The following WDR89 variants were observed in gnomAD, a reference collection of about 807,000 sequenced individuals.
WDR89 encodes the protein WD repeat-containing protein 89.
A neutral mutation model predicts 29.1 loss-of-function variants in WDR89; 17 were observed. That is an observed-to-expected ratio of 0.58 (90% CI 0.40 to 0.88). WDR89 has a LOEUF of 0.88. Among genes scored for constraint, WDR89 ranks in the 40% least tolerant of loss-of-function variants. The pLI, the probability that WDR89 is intolerant of heterozygous loss-of-function variation, is 0.00. For missense variants in WDR89, 396 were observed against 456.3 expected, an observed-to-expected ratio of 0.87 and a Z score of 1.20; for synonymous variants, 138 against 157.8, an observed-to-expected ratio of 0.87 and a Z score of 0.94.
At position 63,624,293 on chromosome 14, in the gene WDR89, C is replaced by A. The variant is rs540877820; in HGVS notation, c.-32+635G>T. On this transcript the variant is annotated intron_variant, in intron 2 of 2. Coordinates refer to ENST00000620954, the MANE Select transcript of WDR89 (RefSeq NM_080666.4). ...ATCAGCCTGGGTGACATGGCAAAAC[C>A]CCATCTCCATCAAAAATACAAAAAT... Among the ~76,000 whole-genome samples, 6 of 151,698 alleles carry A rather than the reference C, an allele frequency of 4.0e-5. No homozygotes were observed. In the East Asian group the frequency reaches 1.2e-3, roughly 29 times the overall value.
At chr14:63,636,385 G>A (rs8009516) in intron 1 of WDR89, among the ~76,000 whole-genome samples, 12 of 151,996 alleles carry the variant, frequency 7.9e-5, no homozygotes, top group South Asian at 2.1e-4. Flanking sequence ...AAAATACCAC[G>A]ATCATTCTTC....
intron 1 of WDR89, among the ~76,000 whole-genome samples, chr14:63,635,453 A>G (rs2139577368): frequency 6.6e-6 from 1 of 152,354 alleles, no homozygotes; most frequent in South Asian, 2.1e-4. Context: ...AACTCTCAGC[A>G]AAATCAGCAT....
At chr14:63,639,341 G>A (rs548284017) in intron 1 of WDR89, among the ~76,000 whole-genome samples, 12 of 133,880 alleles carry the variant, frequency 9.0e-5, no homozygotes, top group Middle Eastern at 4.9e-3. Context: ...GCAACATAGC[G>A]AGACCTCATC....
chr14:63,616,038 T>C (rs1882283008), intron 2 of WDR89, among the ~76,000 whole-genome samples: 1 of 151,914 alleles, frequency 6.6e-6, no homozygotes, highest in African/African-American at 2.4e-5. Flanking sequence ...AGCCCAGGAG[T>C]TTGAGACCAG....
At position 63,599,805 on chromosome 14, in the gene WDR89, T is replaced by TTAG. The variant is rs1894973375; in HGVS notation, c.137_138insCTA (p.Leu46delinsPheTer). ...ATATTCTGATTGATCCATTAGAACA[T>TTAG]AAAACAGCAACCAAGTTTTCCTTTC... On this transcript the variant is annotated stop_gained and protein_altering_variant, in exon 3 of 3. Coordinates refer to ENST00000620954, the MANE Select transcript of WDR89 (RefSeq NM_080666.4). LOFTEE classifies it high-confidence loss of function. 6.2e-7 allele frequency: 1 copy of TTAG among 1,613,998 alleles called. No homozygotes were observed. Among genetic ancestry groups the TTAG allele is most frequent in the African/African-American group, 1.3e-5 (1 of 74,914 alleles).
chr14:63,623,413 A>G (rs1208114051), intron 2 of WDR89, among the ~76,000 whole-genome samples: 1 of 151,784 alleles, frequency 6.6e-6, no homozygotes, highest in Non-Finnish European at 1.5e-5. Flanking sequence ...TTTAAATCCA[A>G]CTATACCTGG....
In WDR89 at chr14:63,633,889, T is replaced by C. The variant is rs12589921; in HGVS notation, c.-138+7915A>G. On this transcript the variant is annotated intron_variant, in intron 1 of 2. Coordinates refer to ENST00000620954, the MANE Select transcript of WDR89 (RefSeq NM_080666.4). Reference sequence around the variant, plus strand: ...GAAGGATAAAAAGAACTGAAAATCATGTACGGTCAGTTGCAACTTCACTAA... The same window carrying C: ...GAAGGATAAAAAGAACTGAAAATCACGTACGGTCAGTTGCAACTTCACTAA... Among the ~76,000 whole-genome samples, 43 of 152,342 alleles carry C rather than the reference T, an allele frequency of 2.8e-4. No individual in the cohort carries two copies. The East Asian group carries it at 7.7e-3, about 27-fold the overall frequency.
intron 2 of WDR89, among the ~76,000 whole-genome samples, chr14:63,612,256 C>T (rs1414009129): frequency 6.6e-6 from 1 of 152,002 alleles, no homozygotes; most frequent in East Asian, 1.9e-4. Flanking sequence ...GCAGAGCCAA[C>T]AGAATCTCTT....
chr14:63,622,304 G>T (rs1257865318), intron 2 of WDR89, among the ~76,000 whole-genome samples: 1 of 151,920 alleles, frequency 6.6e-6, no homozygotes, highest in African/African-American at 2.4e-5. Flanking sequence ...AGGCAGCCGG[G>T]CGTGGTGGCT....
intron 1 of WDR89, chr14:63,630,769 A>G (rs1883348460): frequency 6.6e-6 from 1 of 151,442 alleles, no homozygotes; most frequent in Admixed American, 6.6e-5. Flanking sequence ...TTCATGAAGT[A>G]TTCCATATTT....
chr14:63,637,064 G>GA (rs58721506), intron 1 of WDR89, among the ~76,000 whole-genome samples: 4 of 151,324 alleles, frequency 2.6e-5, no homozygotes, highest in Non-Finnish European at 4.4e-5. Flanking sequence ...AAATCAGTAA[G>GA]AAAAAAAACA....
At chr14:63,619,140 A>G (rs1360400405) in intron 2 of WDR89, among the ~76,000 whole-genome samples, 1 of 152,186 alleles carries the variant, frequency 6.6e-6, no homozygotes, top group Admixed American at 6.6e-5. Context: ...GCATGGAGAG[A>G]AACCTCCTGT....
intron 2 of WDR89, among the ~76,000 whole-genome samples, chr14:63,606,265 CAA>C (rs763944431): frequency 4.0e-5 from 6 of 151,522 alleles, no homozygotes; most frequent in Admixed American, 3.9e-4. Context: ...CAATTTTTAA[CAA>C]AAGAGTTTTA....
At chr14:63,616,567 T>C (rs1882318070) in intron 2 of WDR89, among the ~76,000 whole-genome samples, 1 of 151,900 alleles carries the variant, frequency 6.6e-6, no homozygotes, top group African/African-American at 2.4e-5. Flanking sequence ...CAGGACAAAA[T>C]GAGGGAGGCA....
chr14:63,619,697 G>A (rs1156407118), intron 2 of WDR89, among the ~76,000 whole-genome samples: 1 of 152,064 alleles, frequency 6.6e-6, no homozygotes, highest in African/African-American at 2.4e-5. Flanking sequence ...AAACCAGTAT[G>A]AAGGTTCCTA....
chr14:63,626,785 T>C (rs1338185581), intron 1 of WDR89, among the ~76,000 whole-genome samples: 2 of 141,070 alleles, frequency 1.4e-5, no homozygotes, highest in African/African-American at 5.3e-5. Context: ...AAAACACTGA[T>C]AACATCAAGG....
At chr14:63,639,854 C>G (rs1352300927) in intron 1 of WDR89, among the ~76,000 whole-genome samples, 1 of 152,088 alleles carries the variant, frequency 6.6e-6, no homozygotes, top group Non-Finnish European at 1.5e-5. Context: ...CACAGTGGCT[C>G]GTGTGTAATC....
chr14:63,603,244 C>T (rs1895158632), intron 2 of WDR89, among the ~76,000 whole-genome samples: 1 of 151,876 alleles, frequency 6.6e-6, no homozygotes, highest in Admixed American at 6.6e-5. Context: ...AACTTCTTGC[C>T]ACATTTGCTT....
intron 2 of WDR89, among the ~76,000 whole-genome samples, chr14:63,607,772 T>C (rs1881670779): frequency 1.3e-5 from 2 of 150,564 alleles, no homozygotes; most frequent in South Asian, 4.2e-4. Context: ...TCCCAGCTAC[T>C]TGGGAGGCTG....
Sources: allele counts gnomAD v4.1 joint callset (sites outside exome capture counted in the v4.1 genomes callset), GRCh38; gene constraint gnomAD v4.1.1; transcripts MANE v1.5; gene names NCBI Gene and HGNC (gene_info 2026-07-23, HGNC 2026-07-21).